Variants in NT5DC3 observed in about 807,000 individuals in gnomAD.
The protein encoded by NT5DC3 is 5'-nucleotidase domain-containing protein 3.
In NT5DC3, 42 loss-of-function variants were observed where a neutral mutation model predicts 67.8. The ratio of observed to expected loss-of-function variants is 0.62; its 90% CI spans 0.48 to 0.80. NT5DC3 has a LOEUF of 0.80. Among genes scored for constraint, NT5DC3 ranks in the 30% least tolerant of loss-of-function variants. The probability of loss-of-function intolerance (pLI) is 0.00; values close to 1 mark genes in which losing one functional copy is unlikely to be tolerated. For missense variants in NT5DC3, 570 were observed against 696.4 expected, an observed-to-expected ratio of 0.82 and a Z score of 2.04; for synonymous variants, 237 against 255.6, an observed-to-expected ratio of 0.93 and a Z score of 0.69.
At chr12:103,811,658 T>A (rs1222251566) in intron 2 of NT5DC3, among the ~76,000 whole-genome samples, 1 of 152,110 alleles carries the variant, frequency 6.6e-6, no homozygotes, top group African/African-American at 2.4e-5. Flanking sequence ...GAGCAGGAAA[T>A]GGACATTCGA....
the NT5DC3 span, among the ~76,000 whole-genome samples, chr12:103,748,615 C>T: frequency 0.18 from 5,779 of 31,252 alleles, 97 homozygotes; most frequent in Non-Finnish European, 0.2. Flanking sequence ...TACACACACA[C>T]ACACACACAC....
intron 13 of NT5DC3, among the ~76,000 whole-genome samples, chr12:103,778,465 A>C (rs1366756408): frequency 6.6e-6 from 1 of 152,240 alleles, no homozygotes; most frequent in Non-Finnish European, 1.5e-5. Context: ...AGGGAGGCAG[A>C]GGGTGCAGTA....
chr12:103,813,443 G>A (rs1887118196), intron 2 of NT5DC3, among the ~76,000 whole-genome samples: 1 of 152,228 alleles, frequency 6.6e-6, no homozygotes, highest in African/African-American at 2.4e-5. Context: ...TGGCAGAAGG[G>A]AAGCTTCTTT....
chr12:103,837,062 T>C (rs180905590), intron 1 of NT5DC3, among the ~76,000 whole-genome samples: 28 of 152,326 alleles, frequency 1.8e-4, no homozygotes, highest in African/African-American at 6.7e-4. Flanking sequence ...ATCCAGGTGT[T>C]TCCATACATC....
intron 6 of NT5DC3, among the ~76,000 whole-genome samples, chr12:103,796,346 G>A (rs1317615977): frequency 6.6e-6 from 1 of 152,016 alleles, no homozygotes; most frequent in South Asian, 2.1e-4. Context: ...GTGAAACCTC[G>A]TCTCTATTAA....
At chr12:103,784,926 G>A (rs1401451687) in intron 12 of NT5DC3, among the ~76,000 whole-genome samples, 4 of 152,314 alleles carry the variant, frequency 2.6e-5, no homozygotes, top group South Asian at 4.1e-4. Context: ...AGTAAGCCAT[G>A]GTGCCTAGAC....
intron 1 of NT5DC3, among the ~76,000 whole-genome samples, chr12:103,817,604 C>T (rs990781410): frequency 7.7e-5 from 1 of 12,948 alleles, no homozygotes; most frequent in East Asian, 0.12. Flanking sequence ...TACATTCTCT[C>T]ATTAATCCTT....
the NT5DC3 span, among the ~76,000 whole-genome samples, chr12:103,765,027 C>G: frequency 7.8e-6 from 1 of 127,572 alleles, no homozygotes; most frequent in Non-Finnish European, 1.5e-5. Flanking sequence ...GCGGAGGTTG[C>G]AGTGAGCAGA....
At chr12:103,755,409 C>A in the NT5DC3 span, 1 of 1,614,142 alleles carries the variant, frequency 6.2e-7, no homozygotes, top group Non-Finnish European at 8.5e-7. Flanking sequence ...GGATAGTGGA[C>A]TATGGACCTA....
downstream of NT5DC3, among the ~76,000 whole-genome samples, chr12:103,767,182 G>A (rs940071770): frequency 2.0e-5 from 3 of 152,234 alleles, no homozygotes; most frequent in Middle Eastern, 3.4e-3. Flanking sequence ...GAAACAACTC[G>A]AATGTCCATC....
At position 103,775,666 on chromosome 12, in the gene NT5DC3, C is replaced by T. The variant is rs1163531423; in HGVS notation, c.*2163G>A. ...GCAAACAATAAACAAAATGCCTACC[C>T]TGTTCCAAAAAAAGAACATACTACT... On this transcript the variant is annotated 3_prime_UTR_variant, in exon 14 of 14. Coordinates refer to ENST00000392876, the MANE Select transcript of NT5DC3 (RefSeq NM_001031701.3). 6.6e-6 allele frequency: 1 copy of T among 152,024 alleles called. No homozygotes were observed. Among genetic ancestry groups the T allele is most frequent in the Non-Finnish European group, 1.5e-5 (1 of 68,008 alleles). The allele number at this position is 152,024 out of a possible 1,614,324, so 9.4% of individuals were successfully genotyped here.
Position 103,777,891 on chromosome 12 carries a change from CG to C in NT5DC3, c.1584del (p.Ala529ProfsTer55). On this transcript the variant is annotated frameshift_variant, in exon 14 of 14. Transcript: ENST00000392876. LOFTEE classifies it low-confidence loss of function (END_TRUNC). ...AAGGTGGGGGGCCTTTCTGACCAGG[CG>C]GGCAGTTCGTGCTGCAGTGGAGTCC... ...PRRTPLQHEL[P>X]AWSERPPTFG... 1 of 1,614,176 alleles carries C rather than the reference CG, an allele frequency of 6.2e-7. No homozygotes were observed. The highest frequency in any genetic ancestry group is 8.5e-7 in the Non-Finnish European group (1 of 1,180,038).
intron 1 of NT5DC3, among the ~76,000 whole-genome samples, chr12:103,840,351 A>C: frequency 6.8e-6 from 1 of 147,404 alleles, no homozygotes; most frequent in East Asian, 2.0e-4. Flanking sequence ...CCCCACCTGG[A>C]CCTCTCCTCT....
At chr12:103,825,445 G>A (rs552977417) in intron 1 of NT5DC3, among the ~76,000 whole-genome samples, 45 of 152,124 alleles carry the variant, frequency 3.0e-4, no homozygotes, top group East Asian at 9.6e-4. Context: ...AAAAATCAAC[G>A]GAACTGATCA....
At chr12:103,770,584 A>C (rs542472780), downstream of NT5DC3, 1 of 152,162 alleles carries the variant, frequency 6.6e-6, no homozygotes, top group South Asian at 2.1e-4. Context: ...ATAGGCACCC[A>C]TCACCAAACC....
chr12:103,779,990 C>T (rs1458436626), intron 13 of NT5DC3, among the ~76,000 whole-genome samples: 1 of 152,104 alleles, frequency 6.6e-6, no homozygotes, highest in Non-Finnish European at 1.5e-5. Context: ...AACAACTGGC[C>T]CACCAGCTGC....
the NT5DC3 span, chr12:103,763,552 C>A: frequency 6.2e-7 from 1 of 1,613,936 alleles, no homozygotes; most frequent in African/African-American, 1.3e-5. Context: ...TATCTCGAAC[C>A]CCTTGTATGA....
At chr12:103,752,447 C>T in the NT5DC3 span, among the ~76,000 whole-genome samples, 2 of 152,164 alleles carry the variant, frequency 1.3e-5, no homozygotes, top group Non-Finnish European at 2.9e-5. Context: ...ATACAATGAA[C>T]TTGACAATAT....
intron 1 of NT5DC3, among the ~76,000 whole-genome samples, chr12:103,815,585 C>A (rs1275691486): frequency 2.6e-5 from 4 of 151,798 alleles, no homozygotes; most frequent in Non-Finnish European, 5.9e-5. Flanking sequence ...TCACACCCTA[C>A]TAATTTTTGT....
Sources: gnomAD v4.1 joint callset for allele counts (sites outside exome capture counted in the v4.1 genomes callset) on GRCh38, gnomAD v4.1.1 for gene constraint, MANE v1.5 for transcripts, NCBI Gene and HGNC (gene_info 2026-07-23, HGNC 2026-07-21) for gene names.